Variants in MCPH1 observed in about 807,000 individuals in gnomAD.
MCPH1 encodes the protein microcephalin 1.
Under a neutral mutation model 84.5 loss-of-function variants are expected in MCPH1, and 104 were observed. The ratio of observed to expected loss-of-function variants is 1.23; its 90% CI spans 1.05 to 1.45. The LOEUF (loss-of-function observed/expected upper bound fraction) is 1.45. Ranked by LOEUF, MCPH1 falls within the 40% of genes most tolerant of loss-of-function variation. MCPH1 has a pLI of 0.00. For synonymous variants in MCPH1, 514 were observed against 366.8 expected (o/e 1.40, Z -4.58); for missense variants, 1,498 against 1,005.7 (o/e 1.49, Z -6.62).
intron 4 of MCPH1, among the ~76,000 whole-genome samples, chr8:6,434,984 G>T (rs1802435127): frequency 6.6e-6 from 1 of 152,160 alleles, no homozygotes; most frequent in Admixed American, 6.5e-5. Context: ...AGTGGGGTGG[G>T]TAAGGCTGGG....
rs548967726 is a variant in MCPH1, at chr8:6,438,236, G to A, written c.437-717G>A. 2.6e-4 allele frequency among the ~76,000 whole-genome samples: 39 copies of A among 152,232 alleles called. No individual in the cohort carries two copies. In the South Asian group the frequency reaches 5.4e-3, roughly 21 times the overall value. On this transcript the variant is annotated intron_variant, in intron 5 of 13. Coordinates refer to ENST00000344683, the MANE Select transcript of MCPH1 (RefSeq NM_024596.5). ...TTTCTTCTTAGACCAAATATGTATC[G>A]TAATTAAAAACTATATGTATAAAGT... is the stretch of plus-strand genomic sequence containing the variant.
rs1046949907 is a variant in MCPH1, at chr8:6,527,620, T to G, written c.2214+27691T>G. On this transcript the variant is annotated intron_variant, in intron 12 of 13. Coordinates refer to ENST00000344683, the MANE Select transcript of MCPH1 (RefSeq NM_024596.5). ...CCAAAATCTGTTTTTCCAATTTGTTTGTCGAGAGGGAGTGTTCCAAGAGCT... is the reference window on the plus strand; with the variant it reads ...CCAAAATCTGTTTTTCCAATTTGTTGGTCGAGAGGGAGTGTTCCAAGAGCT... 7 of 1,614,006 alleles carry G rather than the reference T, an allele frequency of 4.3e-6. No individual in the cohort carries two copies. The African/African-American group carries it at 9.3e-5, about 22-fold the overall frequency.
Position 6,532,532 on chromosome 8 carries a change from G to A in MCPH1, c.2214+32603G>A, listed in dbSNP as rs200586534. ...GAAGGCAGTCATTAGTCAAATGACC[G>A]GAAACCTGATTCCTAAATGTTTGTC... is the stretch of plus-strand genomic sequence containing the variant. On this transcript the variant is annotated intron_variant, in intron 12 of 13. Coordinates refer to ENST00000344683, the MANE Select transcript of MCPH1 (RefSeq NM_024596.5). 100 of 1,452,446 alleles carry A rather than the reference G, an allele frequency of 6.9e-5. 1 individual carries two copies. The highest frequency in any genetic ancestry group is 1.2e-4 in the South Asian group (8 of 67,072). The allele number at this position is 1,452,446 out of a possible 1,614,324, so 90.0% of individuals were successfully genotyped here. A position where few individuals can be genotyped will look rare whatever the true frequency, so the allele number is the denominator to read the frequency against.
intron 3 of MCPH1, among the ~76,000 whole-genome samples, chr8:6,424,494 C>A (rs750576219): frequency 6.6e-6 from 1 of 152,192 alleles, no homozygotes; most frequent in Non-Finnish European, 1.5e-5. Flanking sequence ...TCCTATCCTA[C>A]CAGCAGCCAG....
Position 6,445,146 on chromosome 8 carries a change from A to G in MCPH1, c.1424A>G (p.Asn475Ser), listed in dbSNP as rs757354040. 15 of 1,614,224 alleles carry G rather than the reference A, an allele frequency of 9.3e-6. No homozygotes were observed. The highest frequency in any genetic ancestry group is 1.1e-5 in the Non-Finnish European group (13 of 1,180,038). ...GKKTRTVDIT[N>S]FTAKTISSPR... Reference sequence around the variant, plus strand: ...AAAACCAGAACAGTTGACATTACCAATTTCACAGCAAAAACCATCTCCAGT... The same window carrying G: ...AAAACCAGAACAGTTGACATTACCAGTTTCACAGCAAAAACCATCTCCAGT... The change falls in exon 8 of 14, where the codon AAT becomes AGT. Residue 475 changes from asparagine to serine, a missense_variant. By Grantham distance (46) the Asn-to-Ser change is conservative. Transcript: ENST00000344683.
chr8:6,564,698 A>T (rs961379371), intron 12 of MCPH1, among the ~76,000 whole-genome samples: 2 of 152,234 alleles, frequency 1.3e-5, no homozygotes, highest in African/African-American at 4.8e-5. Context: ...CTAAGCTCTA[A>T]CCGAAAGACA....
At chr8:6,571,360 G>C (rs1303959714) in intron 12 of MCPH1, among the ~76,000 whole-genome samples, 1 of 152,076 alleles carries the variant, frequency 6.6e-6, no homozygotes. Context: ...TATTTCATTA[G>C]TGGCTTTGAG....
rs1816941167 is a variant in MCPH1 at position 6,519,688 on chromosome 8, G to A, written c.2214+19759G>A. Among the ~76,000 whole-genome samples, 2 of 152,162 alleles carry A rather than the reference G, an allele frequency of 1.3e-5. 1 individual carries two copies. The highest frequency in any genetic ancestry group is 1.3e-4 in the Admixed American group (2 of 15,278). ...GCTTTTGTATTTTCTGCACAGCAGC[G>A]GCACTTAGAGCCCTTGGCAAGCACT... On this transcript the variant is annotated intron_variant, in intron 12 of 13. Coordinates refer to ENST00000344683, the MANE Select transcript of MCPH1 (RefSeq NM_024596.5).
rs770989341 is a variant in MCPH1 at position 6,444,393 on chromosome 8, A to G, written c.671A>G (p.Asp224Gly). The G allele has an allele frequency of 1.1e-4, 181 of 1,614,008 alleles. 1 individual carries two copies. The Admixed American group carries it at 1.6e-3, about 14-fold the overall frequency. Residue 224 changes from aspartate to glycine, a missense_variant and splice_region_variant, in exon 8 of 14, where the codon GAT becomes GGT. Asp to Gly is a moderately conservative substitution (Grantham distance 94). Transcript: ENST00000344683. ...LNISRDTLCS[D>G]EYFAGGLHSS... ...TTAGCTCTCCGTTAATGTTTTCCAG[A>G]TGAATACTTTGCTGGTGGCTTACAC...
chr8:6,426,419 G>A (rs1028592442), intron 3 of MCPH1, among the ~76,000 whole-genome samples: 6 of 152,144 alleles, frequency 3.9e-5, no homozygotes, highest in African/African-American at 1.4e-4. Flanking sequence ...ACCAATTCTG[G>A]GGCTTCAGAT....
intron 12 of MCPH1, among the ~76,000 whole-genome samples, chr8:6,531,435 C>T (rs1157850090): frequency 6.6e-6 from 1 of 151,920 alleles, no homozygotes; most frequent in Non-Finnish European, 1.5e-5. Flanking sequence ...ATTGCAGATG[C>T]CCGCCACCAC....
chr8:6,562,982 A>C, intron 12 of MCPH1: 1 of 1,541,022 alleles, frequency 6.5e-7, no homozygotes, highest in Non-Finnish European at 8.8e-7. Flanking sequence ...GAGGGCAAAC[A>C]CACGTCCAGA....
At chr8:6,527,521 T>A (rs1222697250) in intron 12 of MCPH1, 47 of 1,605,918 alleles carry the variant, frequency 2.9e-5, no homozygotes, top group Non-Finnish European at 3.7e-5. Context: ...AAGTGTGCAG[T>A]CCTGAATTAT....
chr8:6,513,010 A>G (rs991617432), intron 12 of MCPH1, among the ~76,000 whole-genome samples: 8 of 152,236 alleles, frequency 5.3e-5, no homozygotes, highest in Non-Finnish European at 7.3e-5. Flanking sequence ...ATAAAACAGC[A>G]CAGTCACAAG....
intron 12 of MCPH1, among the ~76,000 whole-genome samples, chr8:6,614,249 C>G: frequency 6.6e-6 from 1 of 152,332 alleles, no homozygotes; most frequent in East Asian, 1.9e-4. Context: ...GGGCTTTCAC[C>G]AAAGCTTGGC....
Position 6,474,493 on chromosome 8 carries a change from G to T in MCPH1, c.1936-3101G>T, listed in dbSNP as rs149953617. ...AAAAAAATTGCACCACTGCACTCCA[G>T]CTAGGGCAACAGAGCAAGACCCTGT... On this transcript the variant is annotated intron_variant, in intron 9 of 13. Transcript: ENST00000344683. Among the ~76,000 whole-genome samples, 162 of 152,220 alleles carry T rather than the reference G, an allele frequency of 1.1e-3. 1 individual carries two copies. The highest frequency in any genetic ancestry group is 3.8e-3 in the African/African-American group (157 of 41,538).
At chr8:6,453,732 T>C (rs1233176781) in intron 8 of MCPH1, among the ~76,000 whole-genome samples, 1 of 152,192 alleles carries the variant, frequency 6.6e-6, no homozygotes, top group Non-Finnish European at 1.5e-5. Context: ...TTAAAGACGA[T>C]AGGAGATTGC....
At chr8:6,554,673 T>G (rs1337877726) in intron 12 of MCPH1, among the ~76,000 whole-genome samples, 1 of 152,158 alleles carries the variant, frequency 6.6e-6, no homozygotes, top group East Asian at 1.9e-4. Context: ...CCAAAAATAA[T>G]TCACAGACAT....
At chr8:6,443,063 G>T (rs1180907030) in intron 7 of MCPH1, among the ~76,000 whole-genome samples, 1 of 152,082 alleles carries the variant, frequency 6.6e-6, no homozygotes, top group African/African-American at 2.4e-5. Flanking sequence ...GTTGTTGTAG[G>T]CACTCCTCTA....
Sources: allele counts gnomAD v4.1 joint callset (sites outside exome capture counted in the v4.1 genomes callset), GRCh38; gene constraint gnomAD v4.1.1; transcripts MANE v1.5; gene names NCBI Gene and HGNC (gene_info 2026-07-23, HGNC 2026-07-21).